CDK5RAP2: variants seen among roughly 807,000 people sequenced by gnomAD.
The protein encoded by CDK5RAP2 is CDK5 regulatory subunit associated protein 2.
A neutral mutation model predicts 232.9 loss-of-function variants in CDK5RAP2; 147 were observed. The observed-to-expected ratio is 0.63, with a 90% CI of 0.55 to 0.72. The LOEUF (loss-of-function observed/expected upper bound fraction) is 0.72, where lower values mean the gene tolerates loss of function less well. Among genes scored for constraint, CDK5RAP2 ranks in the 30% least tolerant of loss-of-function variants. CDK5RAP2 has a pLI of 0.00. For missense variants in CDK5RAP2, 2,195 were observed against 2,231.5 expected, an observed-to-expected ratio of 0.98 and a Z score of 0.33; for synonymous variants, 833 against 833.7, an observed-to-expected ratio of 1.00 and a Z score of 0.01.
At chr9:120,504,722 T>G (rs576959786) in intron 12 of CDK5RAP2, among the ~76,000 whole-genome samples, 1 of 152,354 alleles carries the variant, frequency 6.6e-6, no homozygotes, top group Admixed American at 6.5e-5. Context: ...CTAGTGGGCT[T>G]CAGCTTACGT....
intron 36 of CDK5RAP2, among the ~76,000 whole-genome samples, chr9:120,391,778 G>A (rs926361060): frequency 2.0e-5 from 3 of 152,280 alleles, no homozygotes; most frequent in African/African-American, 4.8e-5. Flanking sequence ...ATGAGGGGAC[G>A]GAGGAAGAGG....
chr9:120,427,340 C>A (rs2034976716), intron 25 of CDK5RAP2, among the ~76,000 whole-genome samples: 1 of 152,238 alleles, frequency 6.6e-6, no homozygotes, highest in Non-Finnish European at 1.5e-5. Flanking sequence ...TCCTGGGCTG[C>A]ATGCAGCCCA....
intron 11 of CDK5RAP2, among the ~76,000 whole-genome samples, chr9:120,522,965 G>A (rs981208832): frequency 6.6e-6 from 1 of 152,232 alleles, no homozygotes; most frequent in Non-Finnish European, 1.5e-5. Context: ...ACAATCAGAG[G>A]AGTGGAAAGA....
intron 3 of CDK5RAP2, among the ~76,000 whole-genome samples, chr9:120,557,666 G>C (rs1458329624): frequency 6.6e-6 from 1 of 151,970 alleles, no homozygotes; most frequent in African/African-American, 2.4e-5. Flanking sequence ...GGCTGAGGCT[G>C]GAGGATCACT....
rs532199924 is a variant in CDK5RAP2, at chr9:120,457,390, C to T, written c.2375+1060G>A. Among the ~76,000 whole-genome samples the T allele has an allele frequency of 3.9e-5, 6 of 152,320 alleles. No homozygotes were observed. In the East Asian group the frequency reaches 1.2e-3, roughly 29 times the overall value. On this transcript the variant is annotated intron_variant, in intron 20 of 37. Transcript: ENST00000349780. ...CCCTCAGACAAAAAGTGTCTTTTAA[C>T]TCTGAAGTAAAATTTGGGACCCTGA...
rs2033148595 is a variant in CDK5RAP2 at position 120,402,892 on chromosome 9, T to C, written c.5221A>G (p.Ile1741Val). ...GCAAGGAGCCTCTGTCCCTGGCTGATCTGTTTGAGCAGGGCCTCATAGTCC... is the reference window on the plus strand; with the variant it reads ...GCAAGGAGCCTCTGTCCCTGGCTGACCTGTTTGAGCAGGGCCTCATAGTCC... Reference protein sequence around the residue: ...IEDYEALLKQISQGQRLLAEM... With the variant: ...IEDYEALLKQVSQGQRLLAEM... Residue 1741 changes from isoleucine to valine, a missense_variant, in exon 34 of 38, where the codon ATC becomes GTC. By Grantham distance (29) the Ile-to-Val change is conservative (BLOSUM62 3). Transcript: ENST00000349780. The C allele has an allele frequency of 6.2e-7, 1 of 1,613,984 alleles. No homozygotes were observed. Among genetic ancestry groups the C allele is most frequent in the Non-Finnish European group, 8.5e-7 (1 of 1,180,032 alleles).
intron 25 of CDK5RAP2, among the ~76,000 whole-genome samples, chr9:120,427,090 C>T (rs1047543182): frequency 6.6e-6 from 1 of 152,106 alleles, no homozygotes. Context: ...TCCTGAGCTC[C>T]CCCTATTTGT....
At chr9:120,543,846 T>C (rs1430117575) in intron 5 of CDK5RAP2, among the ~76,000 whole-genome samples, 1 of 152,136 alleles carries the variant, frequency 6.6e-6, no homozygotes, top group Non-Finnish European at 1.5e-5. Context: ...AGAGCAAAAC[T>C]CTGTCTCAAA....
At chr9:120,568,492 C>T in intron 2 of CDK5RAP2, 104 bp from the exon 3 acceptor site, 2 of 837,364 alleles carry the variant, frequency 2.4e-6, no homozygotes, top group Admixed American at 1.7e-5. Context: ...ACTGCTTCCA[C>T]AGTACACGCG....
chr9:120,463,243 C>T (rs970611506), intron 18 of CDK5RAP2, among the ~76,000 whole-genome samples: 7 of 152,116 alleles, frequency 4.6e-5, no homozygotes, highest in East Asian at 1.9e-4. Flanking sequence ...TGGTGGCGGG[C>T]GCCTGTAGTC....
Position 120,470,189 on chromosome 9 carries a change from T to C in CDK5RAP2, c.1890A>G (p.Thr630=), listed in dbSNP as rs1343303687. ...EESFSLYSDQ[T]SYLSICLEEN... is the part of the protein sequence containing the mutation. ...CTTCAAGGCAAATACTTAGATAAGA[T>C]GTTTGATCACTATAAAGTGAAAATG... The change falls in exon 17 of 38, where the codon ACA becomes ACG. Residue 630 remains threonine, a synonymous_variant. Transcript: ENST00000349780. 4 of 1,588,376 alleles carry C rather than the reference T, an allele frequency of 2.5e-6. No individual in the cohort carries two copies. Among genetic ancestry groups the C allele is most frequent in the African/African-American group, 1.4e-5 (1 of 73,984 alleles).
intron 21 of CDK5RAP2, among the ~76,000 whole-genome samples, chr9:120,451,127 G>C (rs2036458543): frequency 6.6e-6 from 1 of 152,192 alleles, no homozygotes. Context: ...TTTCAAGCTG[G>C]AAGACTGCCG....
At chr9:120,493,815 T>G (rs766794001) in intron 12 of CDK5RAP2, among the ~76,000 whole-genome samples, 4 of 152,146 alleles carry the variant, frequency 2.6e-5, no homozygotes, top group Non-Finnish European at 4.4e-5. Context: ...TATTAAACAA[T>G]AAGTTTAAAA....
intron 12 of CDK5RAP2, among the ~76,000 whole-genome samples, chr9:120,502,737 A>G (rs1192055893): frequency 6.6e-6 from 1 of 152,198 alleles, no homozygotes; most frequent in Non-Finnish European, 1.5e-5. Flanking sequence ...CAGGGATCCT[A>G]TGCAAATTTG....
At chr9:120,408,241 C>T in intron 31 of CDK5RAP2, 106 bp downstream of exon 31, 1 of 1,325,076 alleles carries the variant, frequency 7.5e-7, no homozygotes, top group Non-Finnish European at 1.1e-6. Flanking sequence ...ACCCACAAGG[C>T]CAGAGTGGAG....
intron 4 of CDK5RAP2, among the ~76,000 whole-genome samples, 158 bp from the exon 5 acceptor site, chr9:120,545,948 G>A (rs1182983423): frequency 6.6e-6 from 1 of 152,192 alleles, no homozygotes; most frequent in Admixed American, 6.5e-5. Flanking sequence ...AGGGCACAGG[G>A]AAAAGGGAAT....
chr9:120,494,098 A>G (rs1367237275), intron 12 of CDK5RAP2, among the ~76,000 whole-genome samples: 1 of 152,074 alleles, frequency 6.6e-6, no homozygotes, highest in Non-Finnish European at 1.5e-5. Flanking sequence ...TTTAAAAAAA[A>G]AAAAAAAAAA....
intron 4 of CDK5RAP2, among the ~76,000 whole-genome samples, chr9:120,548,396 A>T (rs2041928583): frequency 6.6e-6 from 1 of 152,218 alleles, no homozygotes; most frequent in South Asian, 2.1e-4. Flanking sequence ...TAACATGTCC[A>T]TTCGGTTATT....
At chr9:120,440,286 T>C (rs1394884848) in intron 23 of CDK5RAP2, 3 of 395,160 alleles carry the variant, frequency 7.6e-6, no homozygotes, top group Non-Finnish European at 1.4e-5. Flanking sequence ...ATTCCCAGTA[T>C]CTACATGAGA....
Sources: allele counts gnomAD v4.1 joint callset (sites outside exome capture counted in the v4.1 genomes callset), GRCh38; gene constraint gnomAD v4.1.1; transcripts MANE v1.5; gene names NCBI Gene and HGNC (gene_info 2026-07-23, HGNC 2026-07-21).